RLF: variants seen among roughly 807,000 people sequenced by gnomAD.
The protein encoded by RLF is zinc finger protein Rlf.
Under a neutral mutation model 162.9 loss-of-function variants are expected in RLF, and 7 were observed. The observed-to-expected ratio is 0.04, with a 90% CI of 0.02 to 0.08. The LOEUF is 0.08. Ranked by LOEUF, RLF falls within the 10% of genes least tolerant of loss-of-function variation. The pLI, the probability that RLF is intolerant of heterozygous loss-of-function variation, is 1.00. For missense variants in RLF, 1,664 were observed against 2,244.7 expected, an observed-to-expected ratio of 0.74 and a Z score of 5.23; for synonymous variants, 782 against 791.5, an observed-to-expected ratio of 0.99 and a Z score of 0.20.
chr1:40,165,147 T>C (rs1642148147), intron 1 of RLF, among the ~76,000 whole-genome samples: 1 of 152,248 alleles, frequency 6.6e-6, no homozygotes, highest in Non-Finnish European at 1.5e-5. Context: ...GTCTGTGTTA[T>C]CCAGATTTCT....
intron 6 of RLF, among the ~76,000 whole-genome samples, chr1:40,228,783 G>A (rs1452168894): frequency 6.6e-6 from 1 of 151,990 alleles, no homozygotes; most frequent in Non-Finnish European, 1.5e-5. Flanking sequence ...TCTGTGCCCA[G>A]CTTTAGTTAG....
chr1:40,174,558 A>G (rs896728803), intron 1 of RLF, among the ~76,000 whole-genome samples: 15 of 152,118 alleles, frequency 9.9e-5, no homozygotes, highest in African/African-American at 3.6e-4. Context: ...TATAAGATTC[A>G]TTTTCTAAGT....
chr1:40,208,943 C>T (rs1258630753), intron 5 of RLF, among the ~76,000 whole-genome samples: 1 of 152,226 alleles, frequency 6.6e-6, no homozygotes, highest in Non-Finnish European at 1.5e-5. Flanking sequence ...TGATCTGCCT[C>T]TGCTTTGCTT....
intron 5 of RLF, among the ~76,000 whole-genome samples, chr1:40,203,108 T>C (rs187756131): frequency 7.1e-6 from 1 of 141,264 alleles, no homozygotes; most frequent in Non-Finnish European, 1.5e-5. Context: ...AAGGGTTGAG[T>C]CTTTTTTTTT....
At chr1:40,162,181 T>C (rs1347940577) in intron 1 of RLF, among the ~76,000 whole-genome samples, 1 of 151,656 alleles carries the variant, frequency 6.6e-6, no homozygotes, top group African/African-American at 2.4e-5. Flanking sequence ...TGTTTGGTTT[T>C]TGCTTTTTTT....
intron 4 of RLF, among the ~76,000 whole-genome samples, chr1:40,201,139 A>G (rs1044209746): frequency 1.7e-4 from 24 of 138,436 alleles, no homozygotes; most frequent in Non-Finnish European, 3.1e-5. Flanking sequence ...GACCTAATAA[A>G]TCAGAATCTG....
intron 5 of RLF, among the ~76,000 whole-genome samples, chr1:40,220,397 T>C (rs1371143675): frequency 6.6e-6 from 1 of 152,206 alleles, no homozygotes; most frequent in Non-Finnish European, 1.5e-5. Flanking sequence ...TCCTGGAGTA[T>C]CTTTCTCAGT....
At chr1:40,208,907 G>A (rs1263978371) in intron 5 of RLF, among the ~76,000 whole-genome samples, 1 of 152,174 alleles carries the variant, frequency 6.6e-6, no homozygotes, top group Non-Finnish European at 1.5e-5. Flanking sequence ...TCCAGTAAGT[G>A]GTGTGCCCAG....
In RLF at chr1:40,198,959, T is replaced by C. The variant is rs567180959; in HGVS notation, c.607+3195T>C. Among the ~76,000 whole-genome samples the C allele has an allele frequency of 5.9e-5, 9 of 152,336 alleles. No homozygotes were observed. The East Asian group carries it at 1.7e-3, about 29-fold the overall frequency. ...TACAAGATTGAGCCATATGTTAAAA[T>C]TGATTTAGCAGCAGTTTAACTGTAG... On this transcript the variant is annotated intron_variant, in intron 4 of 7. Transcript: ENST00000372771.
intron 1 of RLF, among the ~76,000 whole-genome samples, chr1:40,166,829 G>A (rs1642171725): frequency 8.6e-6 from 1 of 116,800 alleles, no homozygotes; most frequent in African/African-American, 3.3e-5. Context: ...GCAGGGTGGG[G>A]AACATCACAC....
At chr1:40,222,006 C>T (rs1643006275) in intron 5 of RLF, among the ~76,000 whole-genome samples, 1 of 149,916 alleles carries the variant, frequency 6.7e-6, no homozygotes, top group Non-Finnish European at 1.5e-5. Context: ...AGATTTAAGT[C>T]ATATAAATGA....
At chr1:40,167,608 T>G (rs1026409845) in intron 1 of RLF, among the ~76,000 whole-genome samples, 4 of 152,120 alleles carry the variant, frequency 2.6e-5, no homozygotes, top group Non-Finnish European at 5.9e-5. Context: ...TTATTTTCAT[T>G]CAGATCTAGA....
chr1:40,196,960 A>T (rs1033900113), intron 4 of RLF, among the ~76,000 whole-genome samples: 5 of 152,234 alleles, frequency 3.3e-5, no homozygotes, highest in Non-Finnish European at 7.3e-5. Flanking sequence ...AAAGGATTAC[A>T]CTCTGTTAAG....
intron 4 of RLF, among the ~76,000 whole-genome samples, chr1:40,200,115 A>G (rs138199599): frequency 1.3e-5 from 2 of 152,156 alleles, no homozygotes; most frequent in African/African-American, 4.8e-5. Flanking sequence ...TACATATTAG[A>G]GTATCTATGG....
At chr1:40,200,926 A>ACACG (rs1553174160) in intron 4 of RLF, among the ~76,000 whole-genome samples, 16 of 122,710 alleles carry the variant, frequency 1.3e-4, no homozygotes, top group African/African-American at 5.8e-4. Context: ...ACACACACAC[A>ACACG]CACACACACA....
chr1:40,224,591 TTTTTTTTTTCCCCTTCCATTG>T (rs1363345231), intron 6 of RLF, among the ~76,000 whole-genome samples: 4 of 147,530 alleles, frequency 2.7e-5, no homozygotes, highest in African/African-American at 1.0e-4. Context: ...TTTTTTTTTT[TTTTTTTTTTCCCCTTCCATTG>T]TTTTTGAAAG....
intron 1 of RLF, among the ~76,000 whole-genome samples, chr1:40,171,906 T>C (rs1324115056): frequency 6.6e-6 from 1 of 152,180 alleles, no homozygotes; most frequent in African/African-American, 2.4e-5. Flanking sequence ...GGTAGACCAT[T>C]GTTAACAGTT....
In RLF at chr1:40,238,375, G is replaced by C. The variant is rs1412568541; in HGVS notation, c.3673G>C (p.Gly1225Arg). 6.2e-7 allele frequency: 1 copy of C among 1,614,046 alleles called. No homozygotes were observed. Among genetic ancestry groups the C allele is most frequent in the African/African-American group, 1.3e-5 (1 of 74,918 alleles). Reference protein sequence around the residue: ...EGPCSVDRLKGDCSAELGGDP... With the variant: ...EGPCSVDRLKRDCSAELGGDP... ...CCCATGTTCAGTAGATAGGTTGAAA[G>C]GTGATTGTTCTGCAGAACTTGGAGG... is the stretch of plus-strand genomic sequence containing the variant. The change falls in exon 8 of 8, where the codon GGT becomes CGT. Residue 1225 changes from glycine to arginine, a missense_variant. By Grantham distance (125) the Gly-to-Arg change is moderately radical. Coordinates refer to ENST00000372771, the MANE Select transcript of RLF (RefSeq NM_012421.4). The surrounding 1 kb of genome is among the most constrained non-coding windows in gnomAD (Gnocchi z 5.2).
chr1:40,233,674 C>T (rs1273024213), intron 7 of RLF, among the ~76,000 whole-genome samples: 1 of 152,192 alleles, frequency 6.6e-6, no homozygotes, highest in Non-Finnish European at 1.5e-5. Context: ...AAGTCTGCCA[C>T]TCACAACAGA....
Sources: allele counts gnomAD v4.1 joint callset (sites outside exome capture counted in the v4.1 genomes callset), GRCh38; gene constraint gnomAD v4.1.1; non-coding constraint Gnocchi (gnomAD v3.1); transcripts MANE v1.5; gene names NCBI Gene and HGNC (gene_info 2026-07-23, HGNC 2026-07-21).